ACAD9: variants seen among roughly 807,000 people sequenced by gnomAD.
ACAD9 encodes the protein complex I assembly factor ACAD9, mitochondrial.
A neutral mutation model predicts 70.2 loss-of-function variants in ACAD9; 53 were observed. The ratio of observed to expected loss-of-function variants is 0.75; its 90% confidence interval spans 0.61 to 0.95. The LOEUF (loss-of-function observed/expected upper bound fraction) is 0.95. Ranked by LOEUF, ACAD9 falls within the 40% of genes least tolerant of loss-of-function variation. The pLI is 0.00. For missense variants in ACAD9, 777 were observed against 802.8 expected, an observed-to-expected ratio of 0.97 and a Z score of 0.39; for synonymous variants, 313 against 312.1, an observed-to-expected ratio of 1.00 and a Z score of -0.03.
At chr3:128,895,227 CA>C in intron 3 of ACAD9, 82 bp from the exon 4 acceptor site, 1 of 1,021,530 alleles carries the variant, frequency 9.8e-7, no homozygotes, top group Non-Finnish European at 1.4e-6. Context: ...ACTTTATAAT[CA>C]GAAGAAAAAA....
At position 128,887,927 on chromosome 3, in the gene ACAD9, G is replaced by A. The variant is rs569149180; in HGVS notation, c.244+3181G>A. On this transcript the variant is annotated intron_variant, in intron 2 of 17. Coordinates refer to ENST00000308982, the MANE Select transcript of ACAD9 (RefSeq NM_014049.5). ...AGCTGTAGGCAGCCAGCAGTGCCACGGAAATAGAGGCACTGTCATCTGGAG... is the reference window on the plus strand; with the variant it reads ...AGCTGTAGGCAGCCAGCAGTGCCACAGAAATAGAGGCACTGTCATCTGGAG... Among the ~76,000 whole-genome samples the A allele has an allele frequency of 1.1e-4, 16 of 152,224 alleles. No homozygotes were observed. In the South Asian group the frequency reaches 2.7e-3, roughly 26 times the overall value.
In ACAD9 at chr3:128,904,001, G is replaced by A; in HGVS notation, c.959-61G>A. On this transcript the variant is annotated intron_variant, in intron 9 of 17. Transcript: ENST00000308982. ...GGAAGGGTAAGGATGATGGCCATAGGAAATCATGTTTGAACCACAGAAATA... is the reference window on the plus strand; with the variant it reads ...GGAAGGGTAAGGATGATGGCCATAGAAAATCATGTTTGAACCACAGAAATA... 8.3e-6 allele frequency: 13 copies of A among 1,564,296 alleles called. No homozygotes were observed. The South Asian group carries it at 1.5e-4, about 17-fold the overall frequency.
intron 13 of ACAD9, chr3:128,908,513 C>T (rs1935979033): frequency 5.0e-6 from 3 of 596,156 alleles, no homozygotes; most frequent in Non-Finnish European, 6.0e-6. Context: ...CATCTGGTCC[C>T]TCACACTAGA....
In ACAD9 at chr3:128,879,648, T is replaced by C. The variant is rs1205806797; in HGVS notation, c.-44T>C. On this transcript the variant is annotated 5_prime_UTR_variant, in exon 1 of 18. Transcript: ENST00000308982. ...AGACGTGTGTGTGTCCCTGCGGCGC[T>C]AAGAAGGGGAGACTGAGGCTGAGGC... 6.3e-7 allele frequency: 1 copy of C among 1,594,934 alleles called. No homozygotes were observed. Among genetic ancestry groups the C allele is most frequent in the Non-Finnish European group, 8.5e-7 (1 of 1,176,576 alleles).
chr3:128,906,642 A>G (rs1255320007), intron 12 of ACAD9, among the ~76,000 whole-genome samples: 2 of 152,196 alleles, frequency 1.3e-5, no homozygotes, highest in Non-Finnish European at 2.9e-5. Context: ...AAGGGCTTCA[A>G]CCAGGGCCGG....
rs769529395 is a variant in ACAD9 at position 128,910,753 on chromosome 3, A to C, written c.1705A>C (p.Asn569His). ...TCGGTTCTGGCAGGTTCTCTTGGCCAACACCTTCTGCGTGGAAGCTTACTT... is the reference window on the plus strand; with the variant it reads ...TCGGTTCTGGCAGGTTCTCTTGGCCCACACCTTCTGCGTGGAAGCTTACTT... ...RNHDHEVLLANTFCVEAYLQN... is the reference protein window; with the variant it reads ...RNHDHEVLLAHTFCVEAYLQN... Residue 569 changes from asparagine (N) to histidine (H), a missense_variant, in exon 17 of 18, where the codon AAC (asparagine) becomes CAC (histidine). Asn to His is a moderately conservative substitution (Grantham distance 68). Coordinates refer to ENST00000308982, the MANE Select transcript of ACAD9 (RefSeq NM_014049.5). 9 of 1,614,060 alleles carry C rather than the reference A, an allele frequency of 5.6e-6. No individual in the cohort carries two copies. Among genetic ancestry groups the C allele is most frequent in the Non-Finnish European group, 7.6e-6 (9 of 1,180,040 alleles).
At chr3:128,909,868 C>T (rs1395495963) in intron 15 of ACAD9, 153 bp from the exon 16 acceptor site, 9 of 1,068,776 alleles carry the variant, frequency 8.4e-6, no homozygotes, top group South Asian at 4.2e-5. Flanking sequence ...GGCTGGGAGC[C>T]GTTCTCCCAC....
Position 128,910,029 on chromosome 3 carries a change from G to A in ACAD9, c.1572G>A (p.Met524Ile), listed in dbSNP as rs200208702. The A allele has an allele frequency of 3.1e-6, 5 of 1,613,662 alleles. No individual in the cohort carries two copies. The African/African-American group carries it at 6.7e-5, about 21-fold the overall frequency. The change falls in exon 16 of 18, where the codon ATG becomes ATA. Residue 524 changes from methionine (M) to isoleucine (I), a missense_variant. Physicochemically the swap from Met to Ile is conservative, Grantham distance 10 (BLOSUM62 1). Transcript: ENST00000308982. ...AGCCTCTGTGATCCCAGACCATCAT[G>A]GAGGAGCAGCTGGTACTGAAGCGGG... ...TLLLRFGKTIMEEQLVLKRVA... is the reference protein window; with the variant it reads ...TLLLRFGKTIIEEQLVLKRVA...
chr3:128,908,561 T>A (rs1345386171), intron 13 of ACAD9: 2 of 569,264 alleles, frequency 3.5e-6, no homozygotes, highest in Non-Finnish European at 6.3e-6. Flanking sequence ...ATGAGAGGTG[T>A]CCCTTTAAAG....
chr3:128,882,873 C>T (rs566031562), intron 1 of ACAD9, among the ~76,000 whole-genome samples: 2 of 152,332 alleles, frequency 1.3e-5, no homozygotes, highest in East Asian at 1.9e-4. Flanking sequence ...CCTGCAATCT[C>T]TCCTGTGTGG....
chr3:128,887,410 A>G (rs1935281163), intron 2 of ACAD9, among the ~76,000 whole-genome samples: 1 of 151,818 alleles, frequency 6.6e-6, no homozygotes, highest in Non-Finnish European at 1.5e-5. Context: ...GTTTGAGACC[A>G]GCCTAGGCAA....
At chr3:128,909,125 C>T in intron 14 of ACAD9, 26 bp downstream of exon 14, 1 of 1,613,628 alleles carries the variant, frequency 6.2e-7, no homozygotes, top group Non-Finnish European at 8.5e-7. Flanking sequence ...AGGCATACCC[C>T]CTATTTCAAT....
intron 2 of ACAD9, among the ~76,000 whole-genome samples, chr3:128,887,649 AT>A (rs869135368): frequency 0.088 from 12,522 of 142,574 alleles, 1,585 homozygotes; most frequent in African/African-American, 0.28. Flanking sequence ...AAATAAATAT[AT>A]ATATATATAT....
chr3:128,887,084 C>T (rs1239729159), intron 2 of ACAD9, among the ~76,000 whole-genome samples: 1 of 152,056 alleles, frequency 6.6e-6, no homozygotes, highest in Non-Finnish European at 1.5e-5. Context: ...ACCGCCACGC[C>T]TGGCTAATTT....
intron 2 of ACAD9, 130 bp from the exon 3 acceptor site, chr3:128,893,425 C>T: frequency 1.3e-6 from 1 of 745,648 alleles, no homozygotes; most frequent in Admixed American, 2.6e-5. Context: ...ACCATGACTA[C>T]AGAATTTCTA....
chr3:128,888,826 C>A (rs1244415963), intron 2 of ACAD9, among the ~76,000 whole-genome samples: 1 of 150,562 alleles, frequency 6.6e-6, no homozygotes, highest in African/African-American at 2.4e-5. Context: ...TGTTTATCTT[C>A]CTATTTGTAT....
intron 6 of ACAD9, 96 bp downstream of exon 6, chr3:128,897,806 G>A (rs1438789874): frequency 5.3e-6 from 6 of 1,136,486 alleles, no homozygotes; most frequent in Non-Finnish European, 6.5e-6. Flanking sequence ...TGTACCTGCT[G>A]CTGTAGCACC....
At position 128,902,176 on chromosome 3, in the gene ACAD9, C is replaced by T. The variant is rs1935758392; in HGVS notation, c.883-377C>T. On this transcript the variant is annotated intron_variant, in intron 8 of 17. Transcript: ENST00000308982. The surrounding 1 kb of genome is among the most constrained non-coding windows in gnomAD (Gnocchi z 4.0). ...TAATGCTACTTATGAACATTCATGT[C>T]AAGTTTTAATGTGGAAATAACGTTT... Among the ~76,000 whole-genome samples, 1 of 152,208 alleles carries T rather than the reference C, an allele frequency of 6.6e-6. No homozygotes were observed. The highest frequency in any genetic ancestry group is 2.4e-5 in the African/African-American group (1 of 41,452).
chr3:128,907,019 C>A (rs149728874), intron 12 of ACAD9, among the ~76,000 whole-genome samples: 1 of 152,006 alleles, frequency 6.6e-6, no homozygotes, highest in Non-Finnish European at 1.5e-5. Flanking sequence ...GGGATGAGGC[C>A]GGAGACCAGG....
Sources: allele counts gnomAD v4.1 joint callset (sites outside exome capture counted in the v4.1 genomes callset), GRCh38; gene constraint gnomAD v4.1.1; non-coding constraint Gnocchi (gnomAD v3.1); transcripts MANE v1.5; gene names NCBI Gene and HGNC (gene_info 2026-07-23, HGNC 2026-07-21).